Variants in FRMPD4 observed in about 807,000 individuals in gnomAD.
FRMPD4 encodes the protein FERM and PDZ domain-containing protein 4.
A neutral mutation model predicts 94.1 loss-of-function variants in FRMPD4; 22 were observed. The observed-to-expected ratio is 0.23, with a 90% CI of 0.17 to 0.33. The LOEUF is 0.33. Ranked by LOEUF, FRMPD4 falls within the 10% of genes least tolerant of loss-of-function variation. FRMPD4 has a pLI of 1.00. For missense variants in FRMPD4, 1,111 were observed against 1,339.9 expected (o/e 0.83, Z 2.67); for synonymous variants, 631 against 548.6 (o/e 1.15, Z -2.10).
chrX:12,692,349 A>G (rs189545485), intron 8 of FRMPD4, among the ~76,000 whole-genome samples: 2 of 112,753 alleles, frequency 1.8e-5, no homozygotes, highest in Non-Finnish European at 3.7e-5. Flanking sequence ...CCTGAAACAA[A>G]CCAGCTATAT....
intron 1 of FRMPD4, among the ~76,000 whole-genome samples, chrX:12,406,613 C>T (rs2056669454): frequency 9.0e-6 from 1 of 111,647 alleles, no homozygotes; most frequent in African/African-American, 3.3e-5. Flanking sequence ...ATCAGAAGTC[C>T]TCTTCTCAGG....
At chrX:11,976,819 C>G (rs752087291) in intron 3 of FRMPD4, among the ~76,000 whole-genome samples, 11 of 111,897 alleles carry the variant, frequency 9.8e-5, no homozygotes, top group Middle Eastern at 4.6e-3. Context: ...GATTCAGCAG[C>G]CTTTATTAGA....
At position 12,336,171 on chromosome X, in the gene FRMPD4, A is replaced by G. The variant is rs753081651; in HGVS notation, c.42-162509A>G. Among the ~76,000 whole-genome samples, 3 of 111,834 alleles carry G rather than the reference A, an allele frequency of 2.7e-5. No homozygotes were observed. The South Asian group carries it at 1.1e-3, about 42-fold the overall frequency. The stretch of plus-strand genomic sequence containing the variant: ...AGTGGTTTTCTCTAAGTTCAAAGAG[A>G]TACCATAAGGACTTGCTTTCTTTAG... On this transcript the variant is annotated intron_variant, in intron 1 of 16. Coordinates refer to ENST00000675598, the MANE Select transcript of FRMPD4 (RefSeq NM_001368397.1).
chrX:12,134,084 G>A (rs753792146), upstream of FRMPD4, among the ~76,000 whole-genome samples: 4 of 112,013 alleles, frequency 3.6e-5, no homozygotes, highest in South Asian at 3.7e-4. Flanking sequence ...TATCCTTGCC[G>A]TTCCGTCTGC....
At chrX:12,054,217 A>G (rs2054840885) in intron 3 of FRMPD4, among the ~76,000 whole-genome samples, 1 of 110,964 alleles carries the variant, frequency 9.0e-6, no homozygotes, top group African/African-American at 3.3e-5. Context: ...AAATTCTTTC[A>G]GCTTAAAATA....
intron 2 of FRMPD4, among the ~76,000 whole-genome samples, chrX:12,602,117 TATC>T (rs1333973181): frequency 9.0e-6 from 1 of 111,532 alleles, no homozygotes; most frequent in Non-Finnish European, 1.9e-5. Flanking sequence ...CCACACACAA[TATC>T]ATCATTTTGA....
At chrX:12,595,176 A>G (rs1025644386) in intron 2 of FRMPD4, among the ~76,000 whole-genome samples, 1 of 111,661 alleles carries the variant, frequency 9.0e-6, no homozygotes, top group Non-Finnish European at 1.9e-5. Flanking sequence ...AGAGAATTGA[A>G]TGTCTTCCTT....
intron 1 of FRMPD4, among the ~76,000 whole-genome samples, chrX:12,442,959 G>T: frequency 8.9e-6 from 1 of 111,894 alleles, no homozygotes; most frequent in East Asian, 2.8e-4. Flanking sequence ...AGCATTATGA[G>T]AAGCAAAATA....
At chrX:12,599,987 A>G (rs1354763117) in intron 2 of FRMPD4, among the ~76,000 whole-genome samples, 2 of 111,833 alleles carry the variant, frequency 1.8e-5, no homozygotes, top group Non-Finnish European at 3.8e-5. Flanking sequence ...TCACTGCTGC[A>G]TTAAAAAATC....
intron 14 of FRMPD4, among the ~76,000 whole-genome samples, chrX:12,714,893 A>T (rs4830476): frequency 0.13 from 14,807 of 111,833 alleles, 1,237 homozygotes; most frequent in East Asian, 0.71. Context: ...CTTCAAAATT[A>T]TATCTCTTAT....
intron 3 of FRMPD4, among the ~76,000 whole-genome samples, chrX:12,060,234 G>C (rs1201754472): frequency 9.5e-6 from 1 of 105,753 alleles, no homozygotes; most frequent in Non-Finnish European, 1.9e-5. Flanking sequence ...GTGTATAAAC[G>C]TTCCCTTTTC....
At chrX:12,057,776 T>G (rs1262622854) in intron 3 of FRMPD4, among the ~76,000 whole-genome samples, 1 of 111,739 alleles carries the variant, frequency 8.9e-6, no homozygotes, top group African/African-American at 3.2e-5. Context: ...ATACTTCATT[T>G]AATAAATTTT....
intron 3 of FRMPD4, among the ~76,000 whole-genome samples, chrX:12,115,756 C>T (rs1188581379): frequency 9.1e-6 from 1 of 110,066 alleles, no homozygotes; most frequent in Non-Finnish European, 1.9e-5. Context: ...CCTGCAGTGT[C>T]TTCTCCTCCC....
chrX:12,446,228 AC>A (rs1434704956), intron 1 of FRMPD4, among the ~76,000 whole-genome samples: 2 of 112,504 alleles, frequency 1.8e-5, no homozygotes, highest in Non-Finnish European at 3.8e-5. Context: ...TATTTATAAA[AC>A]AATCAATAAT....
At chrX:12,121,880 G>A (rs1363920035) in intron 3 of FRMPD4, among the ~76,000 whole-genome samples, 1 of 111,444 alleles carries the variant, frequency 9.0e-6, no homozygotes, top group Non-Finnish European at 1.9e-5. Context: ...CGCATCATTA[G>A]CAGTCTTCCT....
intron 3 of FRMPD4, among the ~76,000 whole-genome samples, chrX:11,922,818 C>T (rs5933930): frequency 0.35 from 39,441 of 111,199 alleles, 5,521 homozygotes; most frequent in East Asian, 0.81. Context: ...TCAACTTGTT[C>T]CCATAAGAGA....
chrX:12,062,980 T>C (rs1448409109), intron 3 of FRMPD4, among the ~76,000 whole-genome samples: 1 of 112,098 alleles, frequency 8.9e-6, no homozygotes, highest in Non-Finnish European at 1.9e-5. Context: ...TGAGAATGGG[T>C]ATGTTTGCCT....
chrX:12,474,477 A>G (rs2057565218), intron 1 of FRMPD4, among the ~76,000 whole-genome samples: 1 of 111,870 alleles, frequency 8.9e-6, no homozygotes, highest in Non-Finnish European at 1.9e-5. Context: ...GAACTGAAGG[A>G]AATAGAGACA....
intron 3 of FRMPD4, among the ~76,000 whole-genome samples, chrX:12,038,155 T>C (rs1446763746): frequency 8.9e-6 from 1 of 112,013 alleles, no homozygotes; most frequent in Non-Finnish European, 1.9e-5. Context: ...GTAGAATATC[T>C]GGGATGGATA....
Sources: allele counts gnomAD v4.1 joint callset (sites outside exome capture counted in the v4.1 genomes callset), GRCh38; gene constraint gnomAD v4.1.1; transcripts MANE v1.5; gene names NCBI Gene and HGNC (gene_info 2026-07-23, HGNC 2026-07-21).